SYNE2: variants seen among roughly 807,000 people sequenced by gnomAD.
SYNE2 encodes the protein spectrin repeat containing nuclear envelope protein 2.
A neutral mutation model predicts 856.3 loss-of-function variants in SYNE2; 431 were observed. The ratio of observed to expected loss-of-function variants is 0.50; its 90% CI spans 0.47 to 0.55. The LOEUF is 0.55. Ranked by LOEUF, SYNE2 falls within the 20% of genes least tolerant of loss-of-function variation. The pLI is 0.00. For synonymous variants in SYNE2, 2,923 were observed against 2,872.3 expected, an observed-to-expected ratio of 1.02 and a Z score of -0.56; for missense variants, 8,129 against 8,023.2, an observed-to-expected ratio of 1.01 and a Z score of -0.50.
rs376089953 is a variant in SYNE2, at chr14:64,090,457, G to C, written c.11794-409G>C. 2.7e-4 allele frequency among the ~76,000 whole-genome samples: 41 copies of C among 152,324 alleles called. 2 individuals carry two copies. The East Asian group carries it at 4.1e-3, about 15-fold the overall frequency. On this transcript the variant is annotated intron_variant, in intron 59 of 115. Coordinates refer to ENST00000555002, the MANE Select transcript of SYNE2 (RefSeq NM_182914.3). ...CCTGGGACTCATGCAGCACAGTTCT[G>C]TTCAAGTCAGTAAGCACTTTTGAGG...
chr14:63,999,000 G>A lies in SYNE2; in HGVS notation c.3440G>A (p.Arg1147Lys). The A allele has an allele frequency of 6.2e-7, 1 of 1,613,892 alleles. No homozygotes were observed. Among genetic ancestry groups the A allele is most frequent in the Non-Finnish European group, 8.5e-7 (1 of 1,179,758 alleles). Residue 1147 changes from arginine (R) to lysine (K), a missense_variant, in exon 27 of 116, where the codon AGG (arginine) becomes AAG (lysine). Arg to Lys is a conservative substitution (Grantham distance 26). Transcript: ENST00000555002. The stretch of plus-strand genomic sequence containing the variant: ...TCTGATTTCTCTAGTGAAGAGGACA[G>A]GAGTAGTTCTTGTCTGCAGGCTAAA... ...ITSDFSSEED[R>K]SSSCLQAKLT...
At chr14:63,859,356 C>T in intron 1 of SYNE2, among the ~76,000 whole-genome samples, 1 of 152,056 alleles carries the variant, frequency 6.6e-6, no homozygotes, top group Non-Finnish European at 1.5e-5. Context: ...TTCCCTTCTA[C>T]TTTTGGGTTT....
chr14:64,020,267 A>G (rs1368886948), intron 35 of SYNE2, among the ~76,000 whole-genome samples, 174 bp downstream of exon 35: 1 of 152,190 alleles, frequency 6.6e-6, no homozygotes, highest in Non-Finnish European at 1.5e-5. Context: ...TCCCTGGGCC[A>G]TATTGGAAGA....
At chr14:63,913,234 C>A (rs1290177215) in intron 2 of SYNE2, among the ~76,000 whole-genome samples, 1 of 151,938 alleles carries the variant, frequency 6.6e-6, no homozygotes, top group Non-Finnish European at 1.5e-5. Context: ...CATACCTGGC[C>A]CTGAGAGTAC....
In SYNE2 at chr14:64,141,385, C is replaced by T. The variant is rs148113884; in HGVS notation, c.15021C>T (p.Ala5007=). The T allele has an allele frequency of 9.0e-5, 146 of 1,613,948 alleles. No homozygotes were observed. In the African/African-American group the frequency reaches 1.5e-3, roughly 17 times the overall value. ...EVDEKSSLKT[A]VISIGNQLLH... ...ATGAAAAATCCTCCTTGAAGACTGC[C>T]GTTATCAGTATCGGGAACCAGCTTC... The change falls in exon 81 of 116, where the codon GCC becomes GCT. Residue 5007 remains alanine (A), a synonymous_variant. Transcript: ENST00000555002.
intron 1 of SYNE2, among the ~76,000 whole-genome samples, chr14:63,842,586 G>C (rs1266758312): frequency 6.6e-6 from 1 of 151,504 alleles, no homozygotes; most frequent in East Asian, 1.9e-4. Flanking sequence ...TCAGCCTTCT[G>C]AGTAGCTGGG....
intron 76 of SYNE2, 75 bp downstream of exon 76, chr14:64,130,323 G>A (rs2098002603): frequency 1.6e-6 from 2 of 1,282,814 alleles, no homozygotes; most frequent in South Asian, 1.3e-5. Flanking sequence ...TGAACAGAAA[G>A]GATCCATTTT....
intron 31 of SYNE2, among the ~76,000 whole-genome samples, chr14:64,008,988 G>T (rs1272196605): frequency 6.6e-6 from 1 of 152,012 alleles, no homozygotes; most frequent in African/African-American, 2.4e-5. Context: ...AATTCCATTT[G>T]GGTACACCTC....
intron 1 of SYNE2, among the ~76,000 whole-genome samples, chr14:63,885,995 G>A (rs1196133678): frequency 6.6e-6 from 1 of 152,180 alleles, no homozygotes; most frequent in African/African-American, 2.4e-5. Context: ...AATTGGACCC[G>A]GCCTTCCTCC....
chr14:64,004,905 A>C (rs575182167), intron 30 of SYNE2, among the ~76,000 whole-genome samples: 4 of 152,196 alleles, frequency 2.6e-5, no homozygotes, highest in African/African-American at 4.8e-5. Context: ...AAGAAATTCT[A>C]TGTAAGGAAG....
intron 48 of SYNE2, among the ~76,000 whole-genome samples, chr14:64,054,726 G>A (rs6573544): frequency 0.89 from 135,086 of 152,204 alleles, 60,254 homozygotes; most frequent in Non-Finnish European, 0.94. Flanking sequence ...CTTCCTTTTG[G>A]TAGAGTGGAT....
In SYNE2 at chr14:63,833,473, A is replaced by C. The variant is rs560426068; in HGVS notation, c.-304-19028A>C. Among the ~76,000 whole-genome samples, 6 of 152,358 alleles carry C rather than the reference A, an allele frequency of 3.9e-5. No individual in the cohort carries two copies. In the South Asian group the frequency reaches 1.2e-3, roughly 32 times the overall value. On this transcript the variant is annotated intron_variant, in intron 1 of 23. Transcript: ENST00000674003. ...ATATAAGTGAAGCCAGACATATAAC[A>C]GACCAACTGGCACTTAACAAGCAGA...
intron 35 of SYNE2, 83 bp from the exon 36 acceptor site, chr14:64,021,232 C>T (rs2096933687): frequency 9.4e-7 from 1 of 1,068,158 alleles, no homozygotes; most frequent in Non-Finnish European, 1.4e-6. Flanking sequence ...GAAGTAATCT[C>T]AACCCATTCT....
At chr14:64,174,056 C>A in intron 94 of SYNE2, 1 of 571,752 alleles carries the variant, frequency 1.7e-6, no homozygotes, top group South Asian at 2.1e-5. Flanking sequence ...TAAACAAGAC[C>A]TTGTCTCTTA....
Position 64,031,718 on chromosome 14 carries a change from T to G in SYNE2, c.7221+361T>G, listed in dbSNP as rs745854330. Among the ~76,000 whole-genome samples, 3 of 152,244 alleles carry G rather than the reference T, an allele frequency of 2.0e-5. No individual in the cohort carries two copies. The East Asian group carries it at 5.8e-4, about 29-fold the overall frequency. ...GAAAAAAATCCAAGATCCCAATTTT[T>G]GGGGGGTTGATTTCATAATAAAATC... On this transcript the variant is annotated intron_variant, in intron 45 of 115. Transcript: ENST00000555002.
intron 115 of SYNE2, 84 bp from the exon 116 acceptor site, chr14:64,225,231 TCTTA>T (rs1449173697): frequency 1.3e-5 from 21 of 1,604,548 alleles, no homozygotes; most frequent in Non-Finnish European, 1.5e-5. Flanking sequence ...GTCTTGGATT[TCTTA>T]CTTACATAAG....
chr14:64,070,959 T>C (rs1433588508), intron 52 of SYNE2, 49 bp downstream of exon 52: 2 of 1,601,482 alleles, frequency 1.2e-6, no homozygotes, highest in Non-Finnish European at 1.7e-6. Flanking sequence ...CAATTATGGC[T>C]CAAAATTTAG....
At chr14:63,936,716 G>A (rs2095838270) in intron 2 of SYNE2, among the ~76,000 whole-genome samples, 1 of 152,152 alleles carries the variant, frequency 6.6e-6, no homozygotes, top group Admixed American at 6.5e-5. Flanking sequence ...AGGGTTTTGA[G>A]CAAAGGAGTT....
At chr14:64,143,623 G>A in intron 82 of SYNE2, 149 bp from the exon 83 acceptor site, 2 of 785,990 alleles carry the variant, frequency 2.5e-6, no homozygotes, top group East Asian at 2.6e-5. Context: ...AACTCCTGGT[G>A]TAGGTTGGGG....
Sources: gnomAD v4.1 joint callset for allele counts (sites outside exome capture counted in the v4.1 genomes callset) on GRCh38, gnomAD v4.1.1 for gene constraint, MANE v1.5 for transcripts, NCBI Gene and HGNC (gene_info 2026-07-23, HGNC 2026-07-21) for gene names.